GPR107: variants seen among roughly 807,000 people sequenced by gnomAD.
GPR107 encodes G protein-coupled receptor 107.
GPR107 carries 31 observed loss-of-function variants against 75.5 expected under a neutral mutation model. The ratio of observed to expected loss-of-function variants is 0.41; its 90% CI spans 0.31 to 0.55. The LOEUF is 0.55. Among genes scored for constraint, GPR107 ranks in the 20% least tolerant of loss-of-function variants. GPR107 has a pLI of 0.26. For synonymous variants in GPR107, 267 were observed against 251.3 expected (o/e 1.06, Z -0.59); for missense variants, 572 against 665.7 (o/e 0.86, Z 1.55).
At chr9:130,110,428 TA>T in intron 14 of GPR107, 1 of 1,457,090 alleles carries the variant, frequency 6.9e-7, no homozygotes, top group Non-Finnish European at 9.4e-7. Context: ...GTCGCATAGG[TA>T]AACCAGGGTT....
Position 130,137,358 on chromosome 9 carries a change from A to C in GPR107, c.*2237A>C, listed in dbSNP as rs1390025457. 6.6e-6 allele frequency: 1 copy of C among 152,312 alleles called. No individual in the cohort carries two copies. Among genetic ancestry groups the C allele is most frequent in the African/African-American group, 2.4e-5 (1 of 41,462 alleles). 9.4% of individuals were successfully genotyped at this position (152,312 alleles called of 1,614,324 possible). A position where few individuals can be genotyped will look rare whatever the true frequency, so the allele number is the denominator to read the frequency against. On this transcript the variant is annotated 3_prime_UTR_variant, in exon 18 of 18. Transcript: ENST00000347136. ...CGTTGGGTGTTCAGATTCCACGCGT[A>C]TGTCTGGGCTCACTCACAGCATGGC...
intron 1 of GPR107, among the ~76,000 whole-genome samples, chr9:130,071,357 C>T (rs941888429): frequency 3.3e-5 from 5 of 151,798 alleles, no homozygotes; most frequent in Admixed American, 6.6e-5. Flanking sequence ...TCAAATGTTA[C>T]TGAATATAGC....
Position 130,065,392 on chromosome 9 carries a change from G to A in GPR107, c.142-10244G>A, listed in dbSNP as rs543557813. Among the ~76,000 whole-genome samples the A allele has an allele frequency of 1.3e-3, 197 of 151,562 alleles. 1 individual carries two copies. The highest frequency in any genetic ancestry group is 4.4e-3 in the African/African-American group (183 of 41,252). On this transcript the variant is annotated intron_variant, in intron 1 of 17. Coordinates refer to ENST00000347136, the MANE Select transcript of GPR107 (RefSeq NM_020960.5). ...GCAAAGGTTACAGTGAGCCGAGATC[G>A]CACCATTGCACTCCAGCCTGGACAA... is the stretch of plus-strand genomic sequence containing the variant.
intron 16 of GPR107, among the ~76,000 whole-genome samples, chr9:130,128,206 C>G (rs1831731731): frequency 6.6e-6 from 1 of 152,172 alleles, no homozygotes; most frequent in Non-Finnish European, 1.5e-5. Context: ...AGTTACAGGG[C>G]TGAGTAGTTA....
At chr9:130,106,340 T>C (rs1164906058) in intron 13 of GPR107, among the ~76,000 whole-genome samples, 1 of 152,058 alleles carries the variant, frequency 6.6e-6, no homozygotes, top group African/African-American at 2.4e-5. Flanking sequence ...GGTTCACGCC[T>C]GTAATCCCAG....
At position 130,136,404 on chromosome 9, in the gene GPR107, A is replaced by G. The variant is rs949834141; in HGVS notation, c.*1283A>G. 2 of 152,220 alleles carry G rather than the reference A, an allele frequency of 1.3e-5. No individual in the cohort carries two copies. The highest frequency in any genetic ancestry group is 2.4e-5 in the African/African-American group (1 of 41,464). The allele number at this position is 152,220 out of a possible 1,614,324, so 9.4% of individuals were successfully genotyped here. On this transcript the variant is annotated 3_prime_UTR_variant, in exon 18 of 18. Coordinates refer to ENST00000347136, the MANE Select transcript of GPR107 (RefSeq NM_020960.5). The stretch of plus-strand genomic sequence containing the variant: ...GACTGAGGGCTTAAAAGGAGACCAA[A>G]ACATGGCCCCATCAGGGAAGCTTCT...
chr9:130,107,611 G>A, intron 14 of GPR107, 72 bp downstream of exon 14: 1 of 965,320 alleles, frequency 1.0e-6, no homozygotes, highest in Admixed American at 1.7e-5. Flanking sequence ...CTGCGGAGGA[G>A]TGGAGGCAGC....
intron 9 of GPR107, among the ~76,000 whole-genome samples, chr9:130,096,012 G>A (rs899983635): frequency 1.3e-5 from 2 of 149,082 alleles, no homozygotes; most frequent in African/African-American, 5.0e-5. Flanking sequence ...TGGAACTCGG[G>A]TCTGCTTGCT....
At chr9:130,118,848 C>G (rs1357958744) in intron 14 of GPR107, among the ~76,000 whole-genome samples, 11 of 152,226 alleles carry the variant, frequency 7.2e-5, no homozygotes, top group Non-Finnish European at 1.2e-4. Flanking sequence ...GAGGTCGATG[C>G]CTGGAGACAG....
intron 12 of GPR107, among the ~76,000 whole-genome samples, chr9:130,101,849 A>G (rs1831038456): frequency 6.6e-6 from 1 of 152,218 alleles, no homozygotes; most frequent in African/African-American, 2.4e-5. Context: ...TCTGTTTGAC[A>G]GAGTTGTCCC....
chr9:130,077,896 TG>T (rs1383785916), intron 4 of GPR107, among the ~76,000 whole-genome samples: 1 of 152,210 alleles, frequency 6.6e-6, no homozygotes, highest in Non-Finnish European at 1.5e-5. Context: ...CCGGGCATGG[TG>T]GCTCATGCCT....
rs1389962641 is a variant in GPR107, at chr9:130,079,113, C to T, written c.387-517C>T. Among the ~76,000 whole-genome samples, 5 of 152,136 alleles carry T rather than the reference C, an allele frequency of 3.3e-5. No homozygotes were observed. In the South Asian group the frequency reaches 1.0e-3, roughly 31 times the overall value. On this transcript the variant is annotated intron_variant, in intron 4 of 17. Transcript: ENST00000347136. ...AGCTGGGATTACAGGTGCATGCCAA[C>T]ACACCCGGCCAGTTTTTTTTTGTAA...
intron 14 of GPR107, among the ~76,000 whole-genome samples, chr9:130,113,557 G>T (rs113859966): frequency 6.6e-6 from 1 of 152,216 alleles, no homozygotes; most frequent in African/African-American, 2.4e-5. Context: ...TAAGACTTAT[G>T]ATGTAAGCAG....
chr9:130,110,728 G>A (rs997952524), intron 14 of GPR107, among the ~76,000 whole-genome samples: 2 of 150,866 alleles, frequency 1.3e-5, no homozygotes, highest in Non-Finnish European at 2.9e-5. Flanking sequence ...AGCTGCCCTC[G>A]GTTGTGACTA....
At chr9:130,067,844 A>C (rs1347621987) in intron 1 of GPR107, among the ~76,000 whole-genome samples, 1 of 133,820 alleles carries the variant, frequency 7.5e-6, no homozygotes, top group African/African-American at 2.8e-5. Context: ...TCCCAAGTCC[A>C]AGTGATCCTC....
rs368587177 is a variant in GPR107 at position 130,107,597 on chromosome 9, G to A, written c.1306+58G>A. ...AGCTTGCTCTGAACCCACGTGCTGCGGCACTGCGGAGGAGTGGAGGCAGCC... is the reference window on the plus strand; with the variant it reads ...AGCTTGCTCTGAACCCACGTGCTGCAGCACTGCGGAGGAGTGGAGGCAGCC... On this transcript the variant is annotated intron_variant, in intron 14 of 17. Transcript: ENST00000347136. 1.3e-5 allele frequency: 14 copies of A among 1,104,390 alleles called. No homozygotes were observed. The East Asian group carries it at 1.4e-4, about 11-fold the overall frequency. The allele number at this position is 1,104,390 out of a possible 1,614,324, so 68.4% of individuals were successfully genotyped here. A position where few individuals can be genotyped will look rare whatever the true frequency, so the allele number is the denominator to read the frequency against.
chr9:130,099,785 T>C (rs1422800611), intron 10 of GPR107, among the ~76,000 whole-genome samples: 1 of 81,236 alleles, frequency 1.2e-5, no homozygotes. Flanking sequence ...CTTATTATTG[T>C]TTTTATTTCT....
At chr9:130,104,215 G>A (rs1197495365) in intron 12 of GPR107, among the ~76,000 whole-genome samples, 3 of 152,104 alleles carry the variant, frequency 2.0e-5, no homozygotes, top group African/African-American at 7.2e-5. Context: ...GAGCAATTAC[G>A]GCCTGTGCAG....
intron 1 of GPR107, among the ~76,000 whole-genome samples, chr9:130,064,519 C>T (rs1320984679): frequency 1.3e-5 from 2 of 152,112 alleles, no homozygotes; most frequent in African/African-American, 4.8e-5. Context: ...TTTCTTTATC[C>T]CTTTCTACAT....
Sources: allele counts gnomAD v4.1 joint callset (sites outside exome capture counted in the v4.1 genomes callset), GRCh38; gene constraint gnomAD v4.1.1; transcripts MANE v1.5; gene names NCBI Gene and HGNC (gene_info 2026-07-23, HGNC 2026-07-21).